The following INPP4B variants were observed in gnomAD, a reference collection of about 807,000 sequenced individuals.
INPP4B encodes inositol polyphosphate-4-phosphatase type II B.
INPP4B carries 55 observed loss-of-function variants against 122.5 expected under a neutral mutation model. The observed-to-expected ratio is 0.45, with a 90% CI of 0.36 to 0.56. INPP4B has a LOEUF of 0.56. INPP4B is among the 20% of genes least tolerant of loss of function. INPP4B has a pLI of 0.00. For missense variants in INPP4B, 1,000 were observed against 1,097.7 expected (o/e 0.91, Z 1.26); for synonymous variants, 403 against 388.7 (o/e 1.04, Z -0.43).
intron 2 of INPP4B, among the ~76,000 whole-genome samples, chr4:142,671,817 T>G (rs1372553137): frequency 1.3e-5 from 2 of 152,152 alleles, no homozygotes; most frequent in African/African-American, 4.8e-5. Flanking sequence ...ACTGTATAAT[T>G]TGACTAGCTT....
intron 2 of INPP4B, among the ~76,000 whole-genome samples, chr4:142,574,012 T>C (rs1351852154): frequency 1.3e-5 from 2 of 152,122 alleles, no homozygotes; most frequent in Non-Finnish European, 2.9e-5. Context: ...TGGGGAAATA[T>C]GATGTTATCC....
intron 18 of INPP4B, among the ~76,000 whole-genome samples, chr4:142,129,773 T>C (rs1800381232): frequency 6.6e-6 from 1 of 152,222 alleles, no homozygotes; most frequent in African/African-American, 2.4e-5. Context: ...ATACAGGAAT[T>C]GAGAAATCTA....
At chr4:142,557,983 C>T (rs777514989) in intron 2 of INPP4B, among the ~76,000 whole-genome samples, 15 of 152,214 alleles carry the variant, frequency 9.9e-5, no homozygotes, top group African/African-American at 1.2e-4. Context: ...CTGTTTTGAC[C>T]TCACTCCTAG....
chr4:142,075,899 C>A (rs934012462), intron 25 of INPP4B, among the ~76,000 whole-genome samples: 9 of 152,044 alleles, frequency 5.9e-5, no homozygotes, highest in African/African-American at 2.2e-4. Context: ...ATTTAAAAAT[C>A]TGTGTTTGTG....
intron 25 of INPP4B, among the ~76,000 whole-genome samples, chr4:142,031,251 T>G (rs773852251): frequency 6.6e-6 from 1 of 152,126 alleles, no homozygotes; most frequent in Non-Finnish European, 1.5e-5. Flanking sequence ...CTCTATTAGC[T>G]CTTCTATGTT....
intron 3 of INPP4B, among the ~76,000 whole-genome samples, chr4:142,439,337 T>C (rs1007099917): frequency 5.9e-5 from 9 of 152,184 alleles, no homozygotes; most frequent in African/African-American, 2.2e-4. Flanking sequence ...ACAGGTGTAT[T>C]ACAGTCTGAA....
At chr4:142,336,625 T>G (rs1579775191) in intron 7 of INPP4B, among the ~76,000 whole-genome samples, 1 of 152,306 alleles carries the variant, frequency 6.6e-6, no homozygotes, top group Admixed American at 6.5e-5. Flanking sequence ...TGGAATCTCT[T>G]GAGTTTTGGG....
intron 2 of INPP4B, among the ~76,000 whole-genome samples, chr4:142,669,026 A>C (rs1413011695): frequency 3.3e-5 from 5 of 152,178 alleles, no homozygotes; most frequent in Non-Finnish European, 7.3e-5. Flanking sequence ...ACTGTGCTCC[A>C]GCCTGGATGA....
chr4:142,509,073 A>G (rs1294821690), intron 2 of INPP4B, among the ~76,000 whole-genome samples: 1 of 152,196 alleles, frequency 6.6e-6, no homozygotes, highest in East Asian at 1.9e-4. Flanking sequence ...AGAGAATACC[A>G]TTGAGAAACA....
chr4:142,425,710 C>T (rs1807895051), intron 5 of INPP4B, among the ~76,000 whole-genome samples: 1 of 151,914 alleles, frequency 6.6e-6, no homozygotes, highest in Non-Finnish European at 1.5e-5. Context: ...AAGTCAAGTG[C>T]CTCTCCCCCA....
At chr4:142,590,357 A>G (rs1737159148) in intron 2 of INPP4B, among the ~76,000 whole-genome samples, 1 of 152,212 alleles carries the variant, frequency 6.6e-6, no homozygotes. Flanking sequence ...TTCACTGAAG[A>G]GAGTGGTAGG....
chr4:142,044,487 G>A (rs1750186331), intron 25 of INPP4B, among the ~76,000 whole-genome samples: 2 of 152,240 alleles, frequency 1.3e-5, no homozygotes, highest in South Asian at 4.1e-4. Flanking sequence ...TTTGTGATTT[G>A]TAGCCTGTGA....
chr4:142,249,540 T>C (rs72939266), intron 11 of INPP4B, among the ~76,000 whole-genome samples: 1 of 152,030 alleles, frequency 6.6e-6, no homozygotes, highest in Non-Finnish European at 1.5e-5. Context: ...TTTCATGAAG[T>C]GTTTCTAAAA....
intron 2 of INPP4B, among the ~76,000 whole-genome samples, chr4:142,664,921 GTA>G (rs1238754168): frequency 3.9e-5 from 6 of 152,170 alleles, no homozygotes; most frequent in African/African-American, 1.4e-4. Context: ...AACTGAGGTG[GTA>G]TAGCCTACTA....
intron 2 of INPP4B, among the ~76,000 whole-genome samples, chr4:142,720,413 C>G (rs1580770709): frequency 1.3e-5 from 2 of 151,778 alleles, no homozygotes; most frequent in South Asian, 4.2e-4. Context: ...CCCTCATTAC[C>G]CAGTGGGGTA....
intron 2 of INPP4B, among the ~76,000 whole-genome samples, chr4:142,544,713 A>G (rs1829353321): frequency 6.6e-6 from 1 of 152,106 alleles, no homozygotes; most frequent in South Asian, 2.1e-4. Context: ...CAGGCTGACC[A>G]TACTTGATTC....
intron 11 of INPP4B, among the ~76,000 whole-genome samples, chr4:142,251,008 G>C (rs940271297): frequency 6.6e-6 from 1 of 152,134 alleles, no homozygotes; most frequent in Non-Finnish European, 1.5e-5. Context: ...CTGGTAATCT[G>C]AAAGAATTAG....
intron 2 of INPP4B, among the ~76,000 whole-genome samples, chr4:142,605,252 G>T (rs1208004611): frequency 6.6e-6 from 1 of 151,926 alleles, no homozygotes; most frequent in Middle Eastern, 3.4e-3. Flanking sequence ...ATATACAAAA[G>T]TCAACTCAAG....
chr4:142,719,690 T>C (rs1764258592), intron 2 of INPP4B, among the ~76,000 whole-genome samples: 1 of 152,098 alleles, frequency 6.6e-6, no homozygotes, highest in East Asian at 1.9e-4. Context: ...ACTAAAAAAT[T>C]ATATGTACTA....
Sources: allele counts gnomAD v4.1 joint callset (sites outside exome capture counted in the v4.1 genomes callset), GRCh38; gene constraint gnomAD v4.1.1; transcripts MANE v1.5; gene names NCBI Gene and HGNC (gene_info 2026-07-23, HGNC 2026-07-21).